The following GLIPR1L1 variants were observed in gnomAD, a reference collection of about 807,000 sequenced individuals.
GLIPR1L1 encodes the protein GLIPR1-like protein 1.
In GLIPR1L1, 26 loss-of-function variants were observed where a neutral mutation model predicts 29.9. That is an observed-to-expected ratio of 0.87 (90% CI 0.64 to 1.21). GLIPR1L1 has a LOEUF of 1.21. GLIPR1L1 is among the 50% of genes most tolerant of loss of function. The pLI, the probability that GLIPR1L1 is intolerant of heterozygous loss-of-function variation, is 0.00. For missense variants in GLIPR1L1, 305 were observed against 290.3 expected (o/e 1.05, Z -0.37); for synonymous variants, 77 against 97.5 (o/e 0.79, Z 1.24).
intron 3 of GLIPR1L1, among the ~76,000 whole-genome samples, chr12:75,359,342 ACT>A (rs1223920751): frequency 1.4e-5 from 2 of 138,880 alleles, no homozygotes; most frequent in African/African-American, 2.7e-5. Flanking sequence ...GAGTTAGAAG[ACT>A]CAGCATTGTT....
At chr12:75,369,709 C>A in intron 4 of GLIPR1L1, 1 of 985,064 alleles carries the variant, frequency 1.0e-6, no homozygotes, top group Non-Finnish European at 1.2e-6. Context: ...ATAGCTTTTT[C>A]TGGTTTTGAC....
chr12:75,338,433 G>A (rs532628275), intron 1 of GLIPR1L1, among the ~76,000 whole-genome samples: 57 of 152,040 alleles, frequency 3.7e-4, no homozygotes, highest in Non-Finnish European at 7.5e-4. Context: ...TAGATTCAAT[G>A]AGAAAAATTA....
At chr12:75,350,036 C>T (rs539097698) in intron 3 of GLIPR1L1, among the ~76,000 whole-genome samples, 1 of 152,226 alleles carries the variant, frequency 6.6e-6, no homozygotes, top group African/African-American at 2.4e-5. Context: ...TCCAGTTGGC[C>T]ATTTTCCCCT....
chr12:75,361,235 C>T (rs939674836), intron 3 of GLIPR1L1, among the ~76,000 whole-genome samples: 1 of 152,042 alleles, frequency 6.6e-6, no homozygotes, highest in African/African-American at 2.4e-5. Flanking sequence ...AAAGTGAAGA[C>T]ACCACTCAAA....
At chr12:75,357,847 C>T (rs2043253787) in intron 3 of GLIPR1L1, among the ~76,000 whole-genome samples, 1 of 150,816 alleles carries the variant, frequency 6.6e-6, no homozygotes, top group African/African-American at 2.4e-5. Context: ...GCTATTAAAA[C>T]AGTAATTATG....
intron 3 of GLIPR1L1, chr12:75,359,793 G>T (rs2043444638): frequency 6.6e-6 from 1 of 152,060 alleles, no homozygotes; most frequent in Non-Finnish European, 1.5e-5. Context: ...AAGTAACCTG[G>T]ATCTATACAA....
rs189386325 is a variant in GLIPR1L1 at position 75,342,949 on chromosome 12, T to C, written c.175-744T>C. On this transcript the variant is annotated intron_variant, in intron 1 of 5. Transcript: ENST00000378695. Reference sequence around the variant, plus strand: ...TGCAGCTATTCATTTGTAGAATATATAGATATATAATAGATTTTGCATATT... The same window carrying C: ...TGCAGCTATTCATTTGTAGAATATACAGATATATAATAGATTTTGCATATT... Among the ~76,000 whole-genome samples, 43 of 134,386 alleles carry C rather than the reference T, an allele frequency of 3.2e-4. No homozygotes were observed. The East Asian group carries it at 5.1e-3, about 16-fold the overall frequency. The allele number at this position is 134,386 out of a possible 152,430, so 88.2% of individuals were successfully genotyped here.
intron 3 of GLIPR1L1, among the ~76,000 whole-genome samples, chr12:75,354,252 C>T (rs545710528): frequency 6.6e-6 from 1 of 151,760 alleles, no homozygotes; most frequent in East Asian, 1.9e-4. Context: ...ATCTAGAAAA[C>T]CCCATTATCT....
intron 3 of GLIPR1L1, among the ~76,000 whole-genome samples, chr12:75,350,449 G>A (rs746196940): frequency 5.3e-4 from 81 of 152,178 alleles, no homozygotes; most frequent in Non-Finnish European, 2.6e-4. Flanking sequence ...ATTCTGGCGG[G>A]CATCAGGTCA....
At chr12:75,367,268 GAA>G (rs35250320) in intron 4 of GLIPR1L1, among the ~76,000 whole-genome samples, 2,803 of 88,790 alleles carry the variant, frequency 0.032, 40 homozygotes, top group African/African-American at 0.068. Flanking sequence ...TTCCTAGGAG[GAA>G]AAAAAAAAAA....
At chr12:75,356,561 C>A (rs2043171247) in intron 3 of GLIPR1L1, among the ~76,000 whole-genome samples, 1 of 151,664 alleles carries the variant, frequency 6.6e-6, no homozygotes, top group African/African-American at 2.4e-5. Context: ...CGCAAATAAG[C>A]CAACAAAGCA....
At position 75,363,200 on chromosome 12, in the gene GLIPR1L1, A is replaced by AT; in HGVS notation, c.610+10_610+11insT. On this transcript the variant is annotated intron_variant, in intron 4 of 5. Coordinates refer to ENST00000378695, the MANE Select transcript of GLIPR1L1 (RefSeq NM_001304964.2). ...GTAAAGAACCTCTGCAGTAAGCAAA[A>AT]ATATATATATATAATTACATTTAGA... is the stretch of plus-strand genomic sequence containing the variant. The AT allele has an allele frequency of 1.6e-6, 2 of 1,225,058 alleles. No homozygotes were observed. Among genetic ancestry groups the AT allele is most frequent in the Non-Finnish European group, 2.2e-6 (2 of 900,968 alleles). The allele number at this position is 1,225,058 out of a possible 1,614,324, so 75.9% of individuals were successfully genotyped here.
At chr12:75,364,389 G>T (rs1007815840) in intron 4 of GLIPR1L1, among the ~76,000 whole-genome samples, 1 of 152,194 alleles carries the variant, frequency 6.6e-6, no homozygotes, top group Non-Finnish European at 1.5e-5. Flanking sequence ...AAGATCAATG[G>T]CCAGTAAACA....
At chr12:75,353,730 C>T (rs1236247987) in intron 3 of GLIPR1L1, among the ~76,000 whole-genome samples, 3 of 152,112 alleles carry the variant, frequency 2.0e-5, no homozygotes, top group Non-Finnish European at 4.4e-5. Context: ...AACATCAATG[C>T]AAAAATTCTC....
chr12:75,350,771 A>G (rs1200739589), intron 3 of GLIPR1L1, among the ~76,000 whole-genome samples: 1 of 152,190 alleles, frequency 6.6e-6, no homozygotes, highest in African/African-American at 2.4e-5. Flanking sequence ...AAAACTCAAA[A>G]AGCCAGAGTG....
intron 4 of GLIPR1L1, among the ~76,000 whole-genome samples, chr12:75,363,690 A>G (rs946491752): frequency 1.3e-5 from 2 of 152,184 alleles, no homozygotes; most frequent in African/African-American, 4.8e-5. Flanking sequence ...AAATGGAGCC[A>G]TGTGTCAACA....
At chr12:75,367,492 A>G (rs552057805) in intron 4 of GLIPR1L1, among the ~76,000 whole-genome samples, 15 of 152,204 alleles carry the variant, frequency 9.9e-5, no homozygotes, top group Middle Eastern at 3.4e-3. Flanking sequence ...AGAGTCATCA[A>G]TATAACCACC....
chr12:75,366,600 A>G (rs2043978951), intron 4 of GLIPR1L1, among the ~76,000 whole-genome samples: 2 of 152,096 alleles, frequency 1.3e-5, no homozygotes. Context: ...CGGCACCTCA[A>G]AGTGGATCAT....
chr12:75,362,614 T>C (rs555069874), intron 3 of GLIPR1L1, among the ~76,000 whole-genome samples: 65 of 152,306 alleles, frequency 4.3e-4, no homozygotes, highest in Admixed American at 3.4e-3. Context: ...CTTTCACAGA[T>C]AGAAGATAAA....
Sources: allele counts gnomAD v4.1 joint callset (sites outside exome capture counted in the v4.1 genomes callset), GRCh38; gene constraint gnomAD v4.1.1; transcripts MANE v1.5; gene names NCBI Gene and HGNC (gene_info 2026-07-23, HGNC 2026-07-21).